The following KCNJ6 variants were observed in gnomAD, a reference collection of about 807,000 sequenced individuals.
The protein encoded by KCNJ6 is G protein-activated inward rectifier potassium channel 2.
Under a neutral mutation model 34.2 loss-of-function variants are expected in KCNJ6, and 9 were observed. The ratio of observed to expected loss-of-function variants is 0.26; its 90% CI spans 0.16 to 0.46. The LOEUF (loss-of-function observed/expected upper bound fraction) is 0.46. Ranked by LOEUF, KCNJ6 falls within the 20% of genes least tolerant of loss-of-function variation. The pLI, the probability that KCNJ6 is intolerant of heterozygous loss-of-function variation, is 1.00. For missense variants in KCNJ6, 236 were observed against 531.3 expected, an observed-to-expected ratio of 0.44 and a Z score of 5.46; for synonymous variants, 196 against 207.1, an observed-to-expected ratio of 0.95 and a Z score of 0.46.
At chr21:37,728,758 G>C (rs534920424) in intron 2 of KCNJ6, among the ~76,000 whole-genome samples, 1 of 151,952 alleles carries the variant, frequency 6.6e-6, no homozygotes, top group Non-Finnish European at 1.5e-5. Flanking sequence ...GGAGAGAGAC[G>C]CTTCCATTTT....
intron 3 of KCNJ6, among the ~76,000 whole-genome samples, chr21:37,690,242 A>G (rs1380257503): frequency 2.0e-5 from 3 of 151,984 alleles, no homozygotes; most frequent in African/African-American, 7.3e-5. Flanking sequence ...AATTATTTTT[A>G]CATTCAAGGC....
intron 2 of KCNJ6, among the ~76,000 whole-genome samples, chr21:37,746,960 G>A (rs1414611747): frequency 3.3e-5 from 5 of 152,172 alleles, no homozygotes; most frequent in Admixed American, 6.5e-5. Context: ...TATATTCGCT[G>A]ATATTTTTGC....
At chr21:37,761,508 CATGTGT>C (rs1340088040) in intron 2 of KCNJ6, among the ~76,000 whole-genome samples, 1 of 109,462 alleles carries the variant, frequency 9.1e-6, no homozygotes, top group Non-Finnish European at 1.8e-5. Context: ...GTATGTAGTG[CATGTGT>C]ATATTTGTGT....
intron 1 of KCNJ6, among the ~76,000 whole-genome samples, chr21:37,847,521 C>G (rs966343193): frequency 2.0e-5 from 3 of 152,156 alleles, no homozygotes; most frequent in Admixed American, 2.0e-4. Flanking sequence ...TTCAATCATC[C>G]GATGCTGAAA....
chr21:37,702,324 C>T (rs904119775), intron 3 of KCNJ6, among the ~76,000 whole-genome samples: 20 of 151,368 alleles, frequency 1.3e-4, no homozygotes, highest in African/African-American at 3.2e-4. Flanking sequence ...TTGAACGTCA[C>T]GGCCTCCACA....
intron 1 of KCNJ6, among the ~76,000 whole-genome samples, chr21:37,852,901 G>A (rs1293515436): frequency 2.0e-5 from 3 of 151,908 alleles, no homozygotes; most frequent in Non-Finnish European, 4.4e-5. Context: ...TCAATCGATG[G>A]GCTGAACAGC....
rs562418086 is a variant in KCNJ6 at position 37,663,918 on chromosome 21, A to G, written c.947-38434T>C. Among the ~76,000 whole-genome samples, 268 of 152,350 alleles carry G rather than the reference A, an allele frequency of 1.8e-3. 2 individuals are homozygous for G. Among genetic ancestry groups the G allele is most frequent in the African/African-American group, 5.9e-3 (244 of 41,580 alleles). On this transcript the variant is annotated intron_variant, in intron 3 of 3. Coordinates refer to ENST00000609713, the MANE Select transcript of KCNJ6 (RefSeq NM_002240.5). ...CACTGCATCCCACAGCTGGCCTTGC[A>G]TTCTTTTTAAGCACCTACAGAACAC...
chr21:37,701,760 G>C (rs1027354067), intron 3 of KCNJ6, among the ~76,000 whole-genome samples: 1 of 152,160 alleles, frequency 6.6e-6, no homozygotes, highest in East Asian at 1.9e-4. Context: ...CTGTGCTCAG[G>C]ATTGGAAACC....
At position 37,871,817 on chromosome 21, in the gene KCNJ6, GT is replaced by G. The variant is rs1412315259; in HGVS notation, c.-27-31109del. The stretch of plus-strand genomic sequence containing the variant: ...TCCCATTCACAAAGTATAACCACCT[GT>G]TTTTTCTTCTATTTTTTAACGAAAA... On this transcript the variant is annotated intron_variant, in intron 1 of 3. Transcript: ENST00000609713. Among the ~76,000 whole-genome samples the G allele has an allele frequency of 5.2e-4, 69 of 133,058 alleles. No individual in the cohort carries two copies. In the East Asian group the frequency reaches 0.016, roughly 31 times the overall value. 87.3% of individuals were successfully genotyped at this position (133,058 alleles called of 152,430 possible).
chr21:37,790,099 C>G (rs1285500599), intron 2 of KCNJ6, among the ~76,000 whole-genome samples: 2 of 152,190 alleles, frequency 1.3e-5, no homozygotes, highest in Non-Finnish European at 2.9e-5. Context: ...ATGGGTCAGA[C>G]TCAAGTGGTC....
Position 37,714,521 on chromosome 21 carries a change from G to A in KCNJ6, c.636C>T (p.Ser212=). 1 of 1,614,134 alleles carries A rather than the reference G, an allele frequency of 6.2e-7. No homozygotes were observed. The highest frequency in any genetic ancestry group is 8.5e-7 in the Non-Finnish European group (1 of 1,180,020). ...TLVFSTHAVI[S]MRDGKLCLMF... is the part of the protein sequence containing the mutation. ...TCAGGCACAGTTTCCCATCCCGCAT[G>A]GAGATCACTGCATGGGTGGAAAAGA... Residue 212 remains serine (S), a synonymous_variant, in exon 3 of 4, where the codon TCC becomes TCT. Transcript: ENST00000609713. This position sits in a 1 kb window ranked among gnomAD's most constrained non-coding sequence, Gnocchi z 5.9.
intron 1 of KCNJ6, among the ~76,000 whole-genome samples, chr21:37,881,384 G>A (rs1041713076): frequency 6.6e-6 from 1 of 152,078 alleles, no homozygotes; most frequent in African/African-American, 2.4e-5. Context: ...TGTTGGCAGG[G>A]GTCAGTTCCT....
At chr21:37,875,078 C>T (rs1309154029) in intron 1 of KCNJ6, among the ~76,000 whole-genome samples, 1 of 152,174 alleles carries the variant, frequency 6.6e-6, no homozygotes, top group African/African-American at 2.4e-5. Context: ...GTCCTGAGAG[C>T]AGGGCTGTCT....
intron 3 of KCNJ6, among the ~76,000 whole-genome samples, chr21:37,655,207 GTGTGTGTGTGTGTGTGTGAGAGA>G: frequency 1.3e-5 from 1 of 78,052 alleles, no homozygotes; most frequent in African/African-American, 4.8e-5. Flanking sequence ...GTGTGTGTGT[GTGTGTGTGTGTGTGTGTGAGAGA>G]GAGAGAGAGA....
intron 3 of KCNJ6, among the ~76,000 whole-genome samples, chr21:37,671,868 T>C (rs1363149462): frequency 1.4e-5 from 2 of 140,064 alleles, no homozygotes; most frequent in Non-Finnish European, 3.1e-5. Flanking sequence ...CCTAGGTCCT[T>C]ATGTATAGAA....
chr21:37,715,183 G>T, intron 2 of KCNJ6, 52 bp from the exon 3 acceptor site: 1 of 1,470,292 alleles, frequency 6.8e-7, no homozygotes, highest in Non-Finnish European at 9.3e-7. Flanking sequence ...CTGGCTCTTT[G>T]AGGACAATGG....
rs1231281900 is a variant in KCNJ6, at chr21:37,617,028, C to CT, written c.*8130dup. 1.4e-5 allele frequency: 1 copy of CT among 73,252 alleles called. No individual in the cohort carries two copies. Among genetic ancestry groups the CT allele is most frequent in the Non-Finnish European group, 2.5e-5 (1 of 40,528 alleles). 4.5% of individuals were successfully genotyped at this position (73,252 alleles called of 1,614,324 possible). A position where few individuals can be genotyped will look rare whatever the true frequency, so the allele number is the denominator to read the frequency against. On this transcript the variant is annotated 3_prime_UTR_variant, in exon 4 of 4. Coordinates refer to ENST00000609713, the MANE Select transcript of KCNJ6 (RefSeq NM_002240.5). ...TTCTTTTCTCTTTCTTTCTTTCTTT[C>CT]TTTCTTTCTTTCTTTCTTTCTTTCT...
At chr21:37,643,680 A>T (rs2054391347) in intron 3 of KCNJ6, among the ~76,000 whole-genome samples, 3 of 152,120 alleles carry the variant, frequency 2.0e-5, no homozygotes, top group South Asian at 2.1e-4. Flanking sequence ...TCCTGTGCAA[A>T]CTATTGGTCT....
intron 2 of KCNJ6, among the ~76,000 whole-genome samples, chr21:37,832,527 C>G (rs568765242): frequency 7.9e-5 from 12 of 152,268 alleles, no homozygotes; most frequent in African/African-American, 2.9e-4. Flanking sequence ...CTGACACCTG[C>G]TTTCCTGGCT....
Sources: allele counts gnomAD v4.1 joint callset (sites outside exome capture counted in the v4.1 genomes callset), GRCh38; gene constraint gnomAD v4.1.1; non-coding constraint Gnocchi (gnomAD v3.1); transcripts MANE v1.5; gene names NCBI Gene and HGNC (gene_info 2026-07-23, HGNC 2026-07-21).